Variants in PTN observed in about 807,000 individuals in gnomAD.
The protein encoded by PTN is heparin affin regulatory protein.
Under a neutral mutation model 24.1 loss-of-function variants are expected in PTN, and 18 were observed. The ratio of observed to expected loss-of-function variants is 0.75; its 90% CI spans 0.52 to 1.11. The LOEUF is 1.11. Ranked by LOEUF, PTN falls within the 50% of genes least tolerant of loss-of-function variation. The pLI is 0.00. For missense variants in PTN, 163 were observed against 198.8 expected, an observed-to-expected ratio of 0.82 and a Z score of 1.08; for synonymous variants, 78 against 68.6, an observed-to-expected ratio of 1.14 and a Z score of -0.67.
intron 1 of PTN, among the ~76,000 whole-genome samples, chr7:137,335,866 A>C (rs2128883494): frequency 6.6e-6 from 1 of 152,292 alleles, no homozygotes; most frequent in Admixed American, 6.5e-5. Context: ...GAAATATAAC[A>C]TAATCTGAGG....
At chr7:137,257,573 T>C (rs750044565) in intron 1 of PTN, among the ~76,000 whole-genome samples, 70 of 152,234 alleles carry the variant, frequency 4.6e-4, no homozygotes, top group Non-Finnish European at 8.8e-4. Flanking sequence ...AGTGGAAGTC[T>C]TTGAGCTTTC....
intron 4 of PTN, among the ~76,000 whole-genome samples, chr7:137,240,128 G>A (rs1368644622): frequency 6.6e-6 from 1 of 151,984 alleles, no homozygotes; most frequent in Non-Finnish European, 1.5e-5. Context: ...TCTATCACTT[G>A]GTTCTGTTTA....
intron 1 of PTN, among the ~76,000 whole-genome samples, chr7:137,308,801 A>T (rs1055513655): frequency 6.6e-6 from 1 of 152,158 alleles, no homozygotes; most frequent in African/African-American, 2.4e-5. Flanking sequence ...TTAAGCAGGG[A>T]CAGGAAGATT....
chr7:137,276,641 T>C (rs1809364074), intron 1 of PTN, among the ~76,000 whole-genome samples: 1 of 152,180 alleles, frequency 6.6e-6, no homozygotes, highest in South Asian at 2.1e-4. Context: ...CTGTGAGTAA[T>C]ATAGTTGCTT....
chr7:137,323,139 A>G (rs1313855977), intron 1 of PTN, among the ~76,000 whole-genome samples: 1 of 152,168 alleles, frequency 6.6e-6, no homozygotes, highest in East Asian at 1.9e-4. Context: ...TTTTTGAAAA[A>G]CATCTTGTGA....
At chr7:137,289,739 A>T (rs1355724758) in intron 1 of PTN, among the ~76,000 whole-genome samples, 1 of 152,138 alleles carries the variant, frequency 6.6e-6, no homozygotes, top group African/African-American at 2.4e-5. Flanking sequence ...CAACAAACTA[A>T]ATATGGCTGA....
intron 4 of PTN, among the ~76,000 whole-genome samples, chr7:137,248,862 A>T (rs1327392003): frequency 6.6e-6 from 1 of 152,102 alleles, no homozygotes; most frequent in Non-Finnish European, 1.5e-5. Context: ...ACATAGAATC[A>T]CTCATAGTAA....
chr7:137,244,949 G>A (rs1361488243), intron 4 of PTN, among the ~76,000 whole-genome samples: 1 of 152,118 alleles, frequency 6.6e-6, no homozygotes, highest in Non-Finnish European at 1.5e-5. Flanking sequence ...TCCTAACCAA[G>A]TCACTTAATC....
intron 1 of PTN, among the ~76,000 whole-genome samples, chr7:137,258,638 G>A (rs901455008): frequency 6.6e-6 from 1 of 152,166 alleles, no homozygotes; most frequent in African/African-American, 2.4e-5. Flanking sequence ...ATTCAAGTAT[G>A]CCCAAAACAA....
At chr7:137,285,464 G>A (rs763960098) in intron 1 of PTN, among the ~76,000 whole-genome samples, 2 of 152,042 alleles carry the variant, frequency 1.3e-5, no homozygotes, top group Non-Finnish European at 2.9e-5. Context: ...TCAGGAGTTC[G>A]AGACCAGCCT....
Position 137,312,208 on chromosome 7 carries a change from T to A in PTN, c.-2+31231A>T, listed in dbSNP as rs181102835. On this transcript the variant is annotated intron_variant, in intron 1 of 4. Coordinates refer to ENST00000348225, the MANE Select transcript of PTN (RefSeq NM_002825.7). Reference sequence around the variant, plus strand: ...AGTGCCAATAGCAAAGCCAATTTTTTAATTATACAGTTGTAATCATTTTCC... The same window carrying A: ...AGTGCCAATAGCAAAGCCAATTTTTAAATTATACAGTTGTAATCATTTTCC... Among the ~76,000 whole-genome samples the A allele has an allele frequency of 3.3e-5, 5 of 152,360 alleles. No individual in the cohort carries two copies. In the East Asian group the frequency reaches 9.6e-4, roughly 29 times the overall value.
chr7:137,329,326 A>G (rs1810312099), intron 1 of PTN, among the ~76,000 whole-genome samples: 2 of 152,182 alleles, frequency 1.3e-5, no homozygotes, highest in African/African-American at 4.8e-5. Flanking sequence ...TTCTAGAACT[A>G]GTTGGTGATA....
At chr7:137,329,917 AC>A (rs1454500745) in intron 1 of PTN, among the ~76,000 whole-genome samples, 1 of 152,178 alleles carries the variant, frequency 6.6e-6, no homozygotes, top group Non-Finnish European at 1.5e-5. Context: ...TAATATAGTG[AC>A]TTCCTTTAAG....
Position 137,261,996 on chromosome 7 carries a change from C to T in PTN, c.-1-7022G>A, listed in dbSNP as rs1809047655. 2.0e-5 allele frequency among the ~76,000 whole-genome samples: 3 copies of T among 151,192 alleles called. No individual in the cohort carries two copies. In the South Asian group the frequency reaches 6.4e-4, roughly 32 times the overall value. ...GAAGTTAGAATAATATCTTTAGGTT[C>T]TATGGCTAGTTTTGGGGAAAAAGAG... On this transcript the variant is annotated intron_variant, in intron 1 of 4. Coordinates refer to ENST00000348225, the MANE Select transcript of PTN (RefSeq NM_002825.7).
rs35319700 is a variant in PTN at position 137,311,231 on chromosome 7, CAA to C, written c.-2+32206_-2+32207del. Among the ~76,000 whole-genome samples the C allele has an allele frequency of 6.0e-3, 611 of 101,578 alleles. 3 individuals carry two copies. Among genetic ancestry groups the C allele is most frequent in the African/African-American group, 0.012 (343 of 28,158 alleles). 66.6% of individuals were successfully genotyped at this position (101,578 alleles called of 152,430 possible). A position where few individuals can be genotyped will look rare whatever the true frequency, so the allele number is the denominator to read the frequency against. On this transcript the variant is annotated intron_variant, in intron 1 of 4. Coordinates refer to ENST00000348225, the MANE Select transcript of PTN (RefSeq NM_002825.7). ...TGGGTGACAGAGGGAGACTCCATTT[CAA>C]AAAAAAAAAAAAAAAAAGAATTGAA...
chr7:137,239,799 A>G (rs1808595231), intron 4 of PTN, among the ~76,000 whole-genome samples: 1 of 152,160 alleles, frequency 6.6e-6, no homozygotes, highest in Non-Finnish European at 1.5e-5. Flanking sequence ...GTATACGAAG[A>G]GTTTGCCTGT....
chr7:137,333,421 C>T (rs1378345687), intron 1 of PTN, among the ~76,000 whole-genome samples: 1 of 152,162 alleles, frequency 6.6e-6, no homozygotes, highest in Non-Finnish European at 1.5e-5. Context: ...TTACCTAAGA[C>T]TGTTACCACA....
intron 1 of PTN, among the ~76,000 whole-genome samples, chr7:137,313,853 T>A (rs1357570137): frequency 6.6e-6 from 1 of 152,166 alleles, no homozygotes; most frequent in East Asian, 1.9e-4. Context: ...AAAGAACGTA[T>A]ACCTTCTTGG....
At chr7:137,289,078 A>G (rs1159376844) in intron 1 of PTN, among the ~76,000 whole-genome samples, 1 of 152,228 alleles carries the variant, frequency 6.6e-6, no homozygotes, top group Non-Finnish European at 1.5e-5. Context: ...TAGTATTATT[A>G]CCATTTACAG....
Sources: allele counts gnomAD v4.1 joint callset (sites outside exome capture counted in the v4.1 genomes callset), GRCh38; gene constraint gnomAD v4.1.1; transcripts MANE v1.5; gene names NCBI Gene and HGNC (gene_info 2026-07-23, HGNC 2026-07-21).